The following ZAN variants were observed in gnomAD, a reference collection of about 807,000 sequenced individuals.
ZAN encodes the protein zonadhesin (gene/pseudogene).
A neutral mutation model predicts 286.2 loss-of-function variants in ZAN; 260 were observed. That is an observed-to-expected ratio of 0.91 (90% CI 0.82 to 1.01). The LOEUF (loss-of-function observed/expected upper bound fraction) is 1.01. ZAN is among the 50% of genes least tolerant of loss of function. The pLI, the probability that ZAN is intolerant of heterozygous loss-of-function variation, is 0.00. For missense variants in ZAN, 3,410 were observed against 3,639.2 expected (o/e 0.94, Z 1.62); for synonymous variants, 1,368 against 1,417.5 (o/e 0.97, Z 0.79).
rs1030417572 is a variant in ZAN at position 100,789,448 on chromosome 7, C to T, written c.7357+101C>T. ...CAAATCCTGGTGAGCAGACTCGGCCCGGTAGTGGGGCACCCAGCTTCAGAG... is the reference window on the plus strand; with the variant it reads ...CAAATCCTGGTGAGCAGACTCGGCCTGGTAGTGGGGCACCCAGCTTCAGAG... On this transcript the variant is annotated intron_variant, in intron 39 of 47. Coordinates refer to ENST00000613979, the MANE Select transcript of ZAN (RefSeq NM_003386.3). 23 of 1,528,916 alleles carry T rather than the reference C, an allele frequency of 1.5e-5. No individual in the cohort carries two copies. In the East Asian group the frequency reaches 2.1e-4, roughly 14 times the overall value. The allele number at this position is 1,528,916 out of a possible 1,614,324, so 94.7% of individuals were successfully genotyped here.
Position 100,794,157 on chromosome 7 carries a change from G to T in ZAN, c.8024G>T (p.Arg2675Leu), listed in dbSNP as rs751202264. Reference sequence around the variant, plus strand: ...TTTCTGACTGAGGACTGCTCTCAGCGGTGCACCTGTGCCAGCTCACGGATC... The same window carrying T: ...TTTCTGACTGAGGACTGCTCTCAGCTGTGCACCTGTGCCAGCTCACGGATC... The part of the protein sequence containing the change: ...SSFLTEDCSQ[R>L]CTCASSRILL... Residue 2675 changes from arginine (R) to leucine (L), a missense_variant, in exon 44 of 48, where the codon CGG (arginine) becomes CTG (leucine). Transcript: ENST00000613979. 1 of 1,613,988 alleles carries T rather than the reference G, an allele frequency of 6.2e-7. No homozygotes were observed. The highest frequency in any genetic ancestry group is 8.5e-7 in the Non-Finnish European group (1 of 1,179,882).
intron 44 of ZAN, 115 bp downstream of exon 44, chr7:100,794,373 G>A: frequency 6.8e-7 from 1 of 1,476,058 alleles, no homozygotes; most frequent in South Asian, 1.4e-5. Context: ...CAGGATGTCT[G>A]TCCCTGCCTT....
rs373056447 is a variant in ZAN, at chr7:100,795,284, C to T, written c.8214C>T (p.Tyr2738=). The T allele has an allele frequency of 9.3e-5, 150 of 1,610,758 alleles. No individual in the cohort carries two copies. Among genetic ancestry groups the T allele is most frequent in the Non-Finnish European group, 1.1e-4 (135 of 1,178,462 alleles). ...ATFTCECEVG[Y]GGGLCMEPRD... ...TCACCTGCGAGTGTGAAGTTGGTTA[C>T]GGGGGAGGCCTGTGTATGGAGCCTC... The change falls in exon 45 of 48, where the codon TAC becomes TAT. Residue 2738 remains tyrosine (Y), a synonymous_variant. Transcript: ENST00000613979.
At chr7:100,783,362 C>T (rs146797546) in intron 35 of ZAN, among the ~76,000 whole-genome samples, 2 of 152,010 alleles carry the variant, frequency 1.3e-5, no homozygotes, top group Middle Eastern at 3.4e-3. Flanking sequence ...TAGGGAGTTC[C>T]TGGCTTTTCT....
intron 15 of ZAN, among the ~76,000 whole-genome samples, chr7:100,756,060 T>C (rs1420800834): frequency 3.3e-5 from 5 of 152,190 alleles, no homozygotes; most frequent in Non-Finnish European, 7.3e-5. Flanking sequence ...GGCTAATTTT[T>C]GTATTTTTAG....
Position 100,784,656 on chromosome 7 carries a change from A to G in ZAN, c.6656A>G (p.Asn2219Ser). ...LECPAYSSYT[N>S]CLPSCSPSCW... ...TGCCCTGCCTACAGCAGCTACACCA[A>G]CTGCCTTCCCTCCTGCTCACCCTCC... The change falls in exon 36 of 48, where the codon AAC (asparagine) becomes AGC (serine). Residue 2219 changes from asparagine (N) to serine (S), a missense_variant. Physicochemically the swap from Asn to Ser is conservative, Grantham distance 46 (BLOSUM62 1). Around this residue, in one of 7 missense-constraint regions of ZAN, gnomAD observed 1,289 missense variants for 1,314.3 expected, o/e 0.98. Transcript: ENST00000613979. 1 of 1,613,688 alleles carries G rather than the reference A, an allele frequency of 6.2e-7. No homozygotes were observed. Among genetic ancestry groups the G allele is most frequent in the Non-Finnish European group, 8.5e-7 (1 of 1,179,824 alleles).
chr7:100,775,118 C>T (rs1288596930), intron 31 of ZAN, among the ~76,000 whole-genome samples: 6 of 151,926 alleles, frequency 3.9e-5, no homozygotes, highest in Admixed American at 1.3e-4. Flanking sequence ...TTAGTAGAGA[C>T]GGGTTTTTAC....
At chr7:100,783,841 T>G (rs1811385843) in intron 35 of ZAN, among the ~76,000 whole-genome samples, 1 of 135,380 alleles carries the variant, frequency 7.4e-6, no homozygotes, top group African/African-American at 2.7e-5. Flanking sequence ...TATATTTTAT[T>G]GAGATCACAT....
At position 100,775,695 on chromosome 7, in the gene ZAN, C is replaced by T. The variant is rs200061325; in HGVS notation, c.6054C>T (p.Pro2018=). ...VLINSKQVTL[P]AISQIPGVSV... is the part of the protein sequence containing the mutation. ...TCAACAGCAAACAGGTCACCCTCCC[C>T]GCCATCTCCCAGATCCCTGGGGTCA... The change falls in exon 33 of 48, where the codon CCC becomes CCT. Residue 2018 remains proline, a synonymous_variant. Transcript: ENST00000613979. 3,518 of 1,613,932 alleles carry T rather than the reference C, an allele frequency of 2.2e-3. 89 individuals are homozygous for T. The South Asian group carries it at 0.036, about 17-fold the overall frequency.
intron 39 of ZAN, among the ~76,000 whole-genome samples, chr7:100,790,030 G>A (rs922168596): frequency 6.6e-5 from 10 of 151,526 alleles, no homozygotes; most frequent in East Asian, 2.0e-4. Flanking sequence ...AGGCTGAGAC[G>A]GGAGGATCGC....
chr7:100,769,450 C>G (rs998951774), intron 27 of ZAN, among the ~76,000 whole-genome samples: 2 of 152,022 alleles, frequency 1.3e-5, no homozygotes, highest in Admixed American at 1.3e-4. Flanking sequence ...CAGGTCTTGT[C>G]TTGTCTTTTT....
intron 15 of ZAN, among the ~76,000 whole-genome samples, chr7:100,756,698 G>GTT (rs552977730): frequency 1.2e-4 from 17 of 140,416 alleles, no homozygotes; most frequent in South Asian, 4.5e-4. Flanking sequence ...ATTCACTTTT[G>GTT]TTTTTTTTTT....
chr7:100,782,759 A>G (rs1199484313), intron 35 of ZAN, among the ~76,000 whole-genome samples: 1 of 151,934 alleles, frequency 6.6e-6, no homozygotes, highest in Non-Finnish European at 1.5e-5. Flanking sequence ...GGTATGAATC[A>G]ACTTTGTTTT....
At chr7:100,760,350 C>G (rs1299619653) in intron 18 of ZAN, 41 bp from the exon 19 acceptor site, 1 of 1,605,846 alleles carries the variant, frequency 6.2e-7, no homozygotes, top group Non-Finnish European at 8.5e-7. Flanking sequence ...CCTCCTTGAC[C>G]CCCAGCTCTG....
chr7:100,789,460 AC>A, intron 39 of ZAN, 113 bp downstream of exon 39: 2 of 1,500,100 alleles, frequency 1.3e-6, no homozygotes, highest in Non-Finnish European at 1.8e-6. Flanking sequence ...GTAGTGGGGC[AC>A]CCAGCTTCAG....
intron 7 of ZAN, among the ~76,000 whole-genome samples, chr7:100,739,949 G>A (rs1172615209): frequency 7.0e-6 from 1 of 141,986 alleles, no homozygotes; most frequent in Non-Finnish European, 1.6e-5. Context: ...TTGAGCCACT[G>A]TGCCTGGGCG....
chr7:100,783,799 T>TAC lies in ZAN; in HGVS notation c.6623-818_6623-817dup, dbSNP rs753582447. Among the ~76,000 whole-genome samples, 139 of 33,622 alleles carry TAC rather than the reference T, an allele frequency of 4.1e-3. 15 individuals are homozygous for TAC. The highest frequency in any genetic ancestry group is 9.9e-3 in the Non-Finnish European group (112 of 11,310). The allele number at this position is 33,622 out of a possible 152,430, so 22.1% of individuals were successfully genotyped here. On this transcript the variant is annotated intron_variant, in intron 35 of 47. Transcript: ENST00000613979. Reference sequence around the variant, plus strand: ...ATATATATATACACATATATATATATACACACATATATATATACATATATA... The same window carrying TAC: ...ATATATATATACACATATATATATATACACACACATATATATATACATATATA...
intron 34 of ZAN, 150 bp from the exon 35 acceptor site, chr7:100,779,296 A>G (rs879821887): frequency 5.0e-6 from 4 of 795,026 alleles, no homozygotes. Flanking sequence ...TCGCTTGAAC[A>G]TGGGAGGGAA....
chr7:100,763,270 C>T lies in ZAN; in HGVS notation c.3987-536C>T, dbSNP rs914696701. On this transcript the variant is annotated intron_variant, in intron 20 of 47. Coordinates refer to ENST00000613979, the MANE Select transcript of ZAN (RefSeq NM_003386.3). This position sits in a 1 kb window ranked among gnomAD's most constrained non-coding sequence, Gnocchi z 4.6. ...TACAGGCATCACCACCACACCCAGC[C>T]TGTGCCCTCCCTTTAAAAAATGACT... Among the ~76,000 whole-genome samples the T allele has an allele frequency of 4.6e-5, 7 of 152,206 alleles. No individual in the cohort carries two copies. The highest frequency in any genetic ancestry group is 8.8e-5 in the Non-Finnish European group (6 of 68,034).
Sources: allele counts gnomAD v4.1 joint callset (sites outside exome capture counted in the v4.1 genomes callset), GRCh38; gene constraint gnomAD v4.1.1; regional missense constraint gnomAD v4.1.1; non-coding constraint Gnocchi (gnomAD v3.1); transcripts MANE v1.5; gene names NCBI Gene and HGNC (gene_info 2026-07-23, HGNC 2026-07-21).